CACNG2: variants seen among roughly 807,000 people sequenced by gnomAD.
CACNG2 encodes the protein calcium voltage-gated channel auxiliary subunit gamma 2.
CACNG2 carries 3 observed loss-of-function variants against 25.9 expected under a neutral mutation model. The observed-to-expected ratio is 0.12, with a 90% CI of 0.05 to 0.30. The LOEUF (loss-of-function observed/expected upper bound fraction) is 0.30, where lower values mean the gene tolerates loss of function less well. Ranked by LOEUF, CACNG2 falls within the 10% of genes least tolerant of loss-of-function variation. CACNG2 has a pLI of 1.00. For missense variants in CACNG2, 341 were observed against 432.5 expected (o/e 0.79, Z 1.88); for synonymous variants, 167 against 173.3 (o/e 0.96, Z 0.29).
rs113274993 is a variant in CACNG2 at position 36,656,143 on chromosome 22, C to G, written c.211+46223G>C. Among the ~76,000 whole-genome samples the G allele has an allele frequency of 4.2e-3, 633 of 152,176 alleles. 5 individuals carry two copies. The highest frequency in any genetic ancestry group is 3.4e-3 in the Non-Finnish European group (229 of 68,012). On this transcript the variant is annotated intron_variant, in intron 1 of 3. Coordinates refer to ENST00000300105, the MANE Select transcript of CACNG2 (RefSeq NM_006078.5). ...TTTCAAATATCTTTAGGTTCATAAC[C>G]AAGGGCTACTGAAGACATTCAGATA...
chr22:36,634,522 G>T (rs905796942), intron 1 of CACNG2, among the ~76,000 whole-genome samples: 1 of 152,192 alleles, frequency 6.6e-6, no homozygotes, highest in Non-Finnish European at 1.5e-5. Context: ...TGATCTGGGG[G>T]TTTATTTATT....
At chr22:36,630,607 C>T (rs777754721) in intron 1 of CACNG2, among the ~76,000 whole-genome samples, 12 of 152,062 alleles carry the variant, frequency 7.9e-5, no homozygotes, top group Non-Finnish European at 1.6e-4. Context: ...GAGAGCTGAA[C>T]CCAAACCTTG....
At chr22:36,582,492 A>C (rs1380532502) in intron 2 of CACNG2, among the ~76,000 whole-genome samples, 7 of 142,352 alleles carry the variant, frequency 4.9e-5, no homozygotes, top group South Asian at 4.4e-4. Flanking sequence ...TGCAACCTCC[A>C]CCTCCTGGGT....
Position 36,571,536 on chromosome 22 carries a change from A to G in CACNG2, c.296-5043T>C, listed in dbSNP as rs1336755270. 2.0e-5 allele frequency among the ~76,000 whole-genome samples: 3 copies of G among 151,946 alleles called. No homozygotes were observed. The East Asian group carries it at 5.8e-4, about 29-fold the overall frequency. The stretch of plus-strand genomic sequence containing the variant: ...TAATCTCCATTTTAATGAGATCCCC[A>G]GAGCAAGATTTGCATGCATATGAAA... On this transcript the variant is annotated intron_variant, in intron 2 of 3. Coordinates refer to ENST00000300105, the MANE Select transcript of CACNG2 (RefSeq NM_006078.5).
intron 1 of CACNG2, among the ~76,000 whole-genome samples, chr22:36,698,625 A>G (rs528013035): frequency 6.6e-6 from 1 of 152,346 alleles, no homozygotes; most frequent in Admixed American, 6.5e-5. Context: ...TGGCTGGCAG[A>G]GCCCCTGTGA....
chr22:36,646,255 C>T (rs1323127943), intron 1 of CACNG2, among the ~76,000 whole-genome samples: 1 of 152,142 alleles, frequency 6.6e-6, no homozygotes, highest in Non-Finnish European at 1.5e-5. Context: ...AACTTACCCC[C>T]TGTCCTTTAA....
At chr22:36,576,293 A>G (rs992552972) in intron 2 of CACNG2, among the ~76,000 whole-genome samples, 5 of 152,174 alleles carry the variant, frequency 3.3e-5, no homozygotes, top group African/African-American at 1.2e-4. Context: ...ACCAAACATT[A>G]TATGTTCTCA....
At chr22:36,583,958 C>A (rs79061197) in intron 2 of CACNG2, among the ~76,000 whole-genome samples, 3,049 of 152,306 alleles carry the variant, frequency 0.02, 98 homozygotes, top group African/African-American at 0.07. Context: ...AAACATGATG[C>A]TCTGTGCCTG....
At chr22:36,658,916 A>C (rs540157543) in intron 1 of CACNG2, among the ~76,000 whole-genome samples, 1 of 152,228 alleles carries the variant, frequency 6.6e-6, no homozygotes, top group Admixed American at 6.5e-5. Flanking sequence ...GGGGACAGCA[A>C]TGACGCTGGG....
chr22:36,588,268 T>C (rs774708642), intron 1 of CACNG2, among the ~76,000 whole-genome samples: 17 of 152,254 alleles, frequency 1.1e-4, no homozygotes, highest in Non-Finnish European at 2.1e-4. Context: ...GGCTAGGAAA[T>C]GACGGAATCA....
At chr22:36,574,320 C>T (rs544948456) in intron 2 of CACNG2, among the ~76,000 whole-genome samples, 28 of 152,158 alleles carry the variant, frequency 1.8e-4, no homozygotes, top group Non-Finnish European at 3.2e-4. Context: ...TGGACAGAGG[C>T]AGATGTGTCT....
chr22:36,610,238 C>T (rs77280619), intron 1 of CACNG2, among the ~76,000 whole-genome samples: 7 of 151,516 alleles, frequency 4.6e-5, no homozygotes, highest in African/African-American at 7.3e-5. Flanking sequence ...GGAATCAGCT[C>T]CCCAGAGCGT....
At chr22:36,601,777 C>T (rs1044197062) in intron 1 of CACNG2, among the ~76,000 whole-genome samples, 14 of 152,210 alleles carry the variant, frequency 9.2e-5, no homozygotes, top group African/African-American at 3.4e-4. Context: ...GCCACTGCGC[C>T]TGGGGAGTGT....
intron 1 of CACNG2, among the ~76,000 whole-genome samples, chr22:36,677,590 G>A (rs547401223): frequency 2.6e-5 from 4 of 152,202 alleles, no homozygotes; most frequent in South Asian, 4.2e-4. Context: ...TGGCCTTATC[G>A]GATCAGATTC....
At chr22:36,614,508 T>C (rs1211525498) in intron 1 of CACNG2, among the ~76,000 whole-genome samples, 2 of 152,212 alleles carry the variant, frequency 1.3e-5, no homozygotes, top group Non-Finnish European at 2.9e-5. Context: ...CTTCCTTGCC[T>C]GTCTCCTCCA....
At chr22:36,679,185 C>CTTTCTTT (rs1937057899) in intron 1 of CACNG2, among the ~76,000 whole-genome samples, 2 of 102,524 alleles carry the variant, frequency 2.0e-5, no homozygotes, top group African/African-American at 8.9e-5. Context: ...TTCCTTCCTT[C>CTTTCTTT]CTTCCTTCCT....
intron 1 of CACNG2, among the ~76,000 whole-genome samples, chr22:36,589,068 G>A (rs1935548905): frequency 6.7e-6 from 1 of 149,640 alleles, no homozygotes; most frequent in East Asian, 2.0e-4. Context: ...TCGGCTCACG[G>A]CAACCTCCAA....
intron 2 of CACNG2, among the ~76,000 whole-genome samples, chr22:36,567,091 T>A (rs1935139466): frequency 6.6e-6 from 1 of 152,178 alleles, no homozygotes; most frequent in African/African-American, 2.4e-5. Flanking sequence ...GCAGCATTTA[T>A]TAGCTGTGCA....
chr22:36,663,047 A>AG (rs1555899832), intron 1 of CACNG2, among the ~76,000 whole-genome samples: 2 of 143,636 alleles, frequency 1.4e-5, no homozygotes, highest in Non-Finnish European at 1.5e-5. Context: ...TTAAAAAAAA[A>AG]AGAGAGAGAG....
Sources: gnomAD v4.1 joint callset for allele counts (sites outside exome capture counted in the v4.1 genomes callset) on GRCh38, gnomAD v4.1.1 for gene constraint, MANE v1.5 for transcripts, NCBI Gene and HGNC (gene_info 2026-07-23, HGNC 2026-07-21) for gene names.